BCO1: variants seen among roughly 807,000 people sequenced by gnomAD.
BCO1 encodes the protein beta-carotene oxygenase 1, also known as beta,beta-carotene 15,15'-dioxygenase.
A neutral mutation model predicts 56.3 loss-of-function variants in BCO1; 54 were observed. That is an observed-to-expected ratio of 0.96 (90% confidence interval 0.77 to 1.20). BCO1 has a LOEUF of 1.20. Among genes scored for constraint, BCO1 ranks in the 50% most tolerant of loss-of-function variants. The probability of loss-of-function intolerance (pLI) is 0.00; values close to 1 mark genes in which losing one functional copy is unlikely to be tolerated. For missense variants in BCO1, 801 were observed against 690.9 expected (o/e 1.16, Z -1.79); for synonymous variants, 318 against 266.1 (o/e 1.20, Z -1.90).
intron 2 of BCO1, among the ~76,000 whole-genome samples, chr16:81,250,982 G>C (rs113758556): frequency 1.8e-4 from 28 of 152,240 alleles, no homozygotes; most frequent in Non-Finnish European, 3.8e-4. Context: ...AGGTGACCCC[G>C]AGCCCTCTGA....
chr16:81,280,940 C>T lies in BCO1; in HGVS notation c.1185C>T (p.Cys395=), dbSNP rs759949907. The T allele has an allele frequency of 1.2e-6, 2 of 1,613,816 alleles. No individual in the cohort carries two copies. Among genetic ancestry groups the T allele is most frequent in the Admixed American group, 3.3e-5 (2 of 60,006 alleles). The change falls in exon 8 of 11, where the codon TGC becomes TGT. Residue 395 remains cysteine (C), a synonymous_variant. Transcript: ENST00000258168. ...ALKEEDGQVY[C]QPEFLYEGLE... is the part of the protein sequence containing the mutation. Reference sequence around the variant, plus strand: ...AGGAAGAAGATGGCCAAGTCTACTGCCAGCCGGAATTTCTTTATGAAGGTA... The same window carrying T: ...AGGAAGAAGATGGCCAAGTCTACTGTCAGCCGGAATTTCTTTATGAAGGTA...
At chr16:81,279,217 T>C (rs1338747637) in intron 7 of BCO1, among the ~76,000 whole-genome samples, 1 of 152,160 alleles carries the variant, frequency 6.6e-6, no homozygotes, top group Non-Finnish European at 1.5e-5. Context: ...AGTTTAAGGC[T>C]ACAGTGAGCT....
In BCO1 at chr16:81,290,536, CG is replaced by C; in HGVS notation, c.1606del (p.Asp536ThrfsTer11). Reference protein sequence around the residue: ...TKKQAASEEQRDRASDCHGAP... With the variant: ...TKKQAASEEQXDRASDCHGAP... ...AAAGCAGGCCGCTTCTGAGGAACAG[CG>C]GGACAGGGCTTCCGACTGCCACGGG... is the stretch of plus-strand genomic sequence containing the variant. On this transcript the variant is annotated frameshift_variant, in exon 11 of 11. Coordinates refer to ENST00000258168, the MANE Select transcript of BCO1 (RefSeq NM_017429.3). LOFTEE classifies it low-confidence loss of function (END_TRUNC). 1.2e-6 allele frequency: 2 copies of C among 1,613,996 alleles called. No homozygotes were observed. The highest frequency in any genetic ancestry group is 2.2e-5 in the South Asian group (2 of 91,072).
chr16:81,285,791 G>A lies in BCO1; in HGVS notation c.1302+157G>A, dbSNP rs570676494. On this transcript the variant is annotated intron_variant, in intron 9 of 10. Transcript: ENST00000258168. ...TTGAAGTAAGGATGTTCAGCTGGGAGAGGGAGTGGTACCTAATGGGCTAAG... is the reference window on the plus strand; with the variant it reads ...TTGAAGTAAGGATGTTCAGCTGGGAAAGGGAGTGGTACCTAATGGGCTAAG... Among the ~76,000 whole-genome samples the A allele has an allele frequency of 7.2e-5, 11 of 152,318 alleles. No homozygotes were observed. The East Asian group carries it at 1.4e-3, about 19-fold the overall frequency.
intron 2 of BCO1, among the ~76,000 whole-genome samples, chr16:81,255,543 A>G (rs1251320966): frequency 6.6e-6 from 1 of 151,068 alleles, no homozygotes; most frequent in Non-Finnish European, 1.5e-5. Flanking sequence ...TCTGTTGCCC[A>G]GGCTGGAGTG....
At chr16:81,284,261 T>TTTATATATTTATATATAA (rs1908046844) in intron 8 of BCO1, among the ~76,000 whole-genome samples, 5 of 4,298 alleles carry the variant, frequency 1.2e-3, no homozygotes, top group African/African-American at 1.3e-3. Flanking sequence ...TATATAAATA[T>TTTATATATTTATATATAA]ATATTTATAT....
intron 7 of BCO1, among the ~76,000 whole-genome samples, chr16:81,272,226 T>G (rs745958064): frequency 9.3e-4 from 141 of 151,060 alleles, no homozygotes; most frequent in Middle Eastern, 6.8e-3. Flanking sequence ...CCATTCTCCT[T>G]CCTCAGCCTC....
At chr16:81,276,521 C>T (rs1366039705) in intron 7 of BCO1, among the ~76,000 whole-genome samples, 2 of 152,212 alleles carry the variant, frequency 1.3e-5, no homozygotes, top group Non-Finnish European at 2.9e-5. Flanking sequence ...GGCATCCACG[C>T]AGTGAGGGAT....
chr16:81,256,750 T>C (rs886770278), intron 2 of BCO1, among the ~76,000 whole-genome samples: 1 of 152,068 alleles, frequency 6.6e-6, no homozygotes, highest in Non-Finnish European at 1.5e-5. Context: ...TAGTCGGACA[T>C]GGTGGCACAT....
At chr16:81,269,351 G>A (rs12443975) in intron 6 of BCO1, among the ~76,000 whole-genome samples, 28,624 of 150,204 alleles carry the variant, frequency 0.19, 3,472 homozygotes, top group Non-Finnish European at 0.27. Flanking sequence ...AGGCTGGAGC[G>A]CAGTGGTGCG....
In BCO1 at chr16:81,268,081, A is replaced by C; in HGVS notation, c.793A>C (p.Ile265Leu). The part of the protein sequence containing the change: ...LDILKMATAY[I>L]RRMSWASCLA... ...TATTCTCAAGATGGCAACCGCATAC[A>C]TCCGGAGAATGAGCTGGGCCTCCTG... Residue 265 changes from isoleucine to leucine, a missense_variant, in exon 6 of 11, where the codon ATC becomes CTC. Coordinates refer to ENST00000258168, the MANE Select transcript of BCO1 (RefSeq NM_017429.3). 2.5e-6 allele frequency: 4 copies of C among 1,612,568 alleles called. No individual in the cohort carries two copies. The highest frequency in any genetic ancestry group is 2.5e-6 in the Non-Finnish European group (3 of 1,179,992).
At chr16:81,251,314 T>G (rs1420044886) in intron 2 of BCO1, among the ~76,000 whole-genome samples, 1 of 151,178 alleles carries the variant, frequency 6.6e-6, no homozygotes, top group African/African-American at 2.4e-5. Context: ...ATCCCAGCAC[T>G]TTTAGAGGCT....
intron 2 of BCO1, among the ~76,000 whole-genome samples, chr16:81,255,243 A>G (rs1567702075): frequency 6.6e-6 from 1 of 152,098 alleles, no homozygotes; most frequent in East Asian, 1.9e-4. Context: ...CTGTGTTAGG[A>G]TCTTGGTTAA....
intron 8 of BCO1, among the ~76,000 whole-genome samples, chr16:81,283,819 C>A (rs1908014205): frequency 6.6e-6 from 1 of 152,046 alleles, no homozygotes; most frequent in African/African-American, 2.4e-5. Flanking sequence ...TAGAATATTT[C>A]CTAAGAGTTG....
At chr16:81,263,752 A>T (rs928718020) in intron 4 of BCO1, 2 of 152,242 alleles carry the variant, frequency 1.3e-5, no homozygotes, top group African/African-American at 4.8e-5. Flanking sequence ...AATCAAGTCA[A>T]CATTTTGGTG....
intron 1 of BCO1, among the ~76,000 whole-genome samples, chr16:81,240,074 A>G (rs982356231): frequency 6.6e-6 from 1 of 152,160 alleles, no homozygotes; most frequent in Non-Finnish European, 1.5e-5. Context: ...ACAAAAAAAA[A>G]ATAGCTTTTA....
intron 1 of BCO1, among the ~76,000 whole-genome samples, chr16:81,244,620 C>G (rs1219652482): frequency 2.6e-5 from 4 of 152,096 alleles, no homozygotes; most frequent in African/African-American, 9.7e-5. Context: ...AGGTTGCCTC[C>G]TCTAGGAAGC....
intron 2 of BCO1, among the ~76,000 whole-genome samples, chr16:81,248,407 A>AAG (rs1905563631): frequency 6.8e-6 from 1 of 146,592 alleles, no homozygotes; most frequent in Non-Finnish European, 1.5e-5. Context: ...CCCTCTCACA[A>AAG]AAAAAAAAAA....
At chr16:81,276,081 G>T (rs1041232280) in intron 7 of BCO1, among the ~76,000 whole-genome samples, 2 of 152,240 alleles carry the variant, frequency 1.3e-5, no homozygotes, top group Non-Finnish European at 2.9e-5. Context: ...TTTGATGACT[G>T]GATCAGTGGG....
Sources: allele counts gnomAD v4.1 joint callset (sites outside exome capture counted in the v4.1 genomes callset), GRCh38; gene constraint gnomAD v4.1.1; transcripts MANE v1.5; gene names NCBI Gene and HGNC (gene_info 2026-07-23, HGNC 2026-07-21).